SLC38A4: variants seen among roughly 807,000 people sequenced by gnomAD.
The protein encoded by SLC38A4 is sodium-coupled neutral amino acid transporter 4.
SLC38A4 carries 20 observed loss-of-function variants against 63.1 expected under a neutral mutation model. The ratio of observed to expected loss-of-function variants is 0.32; its 90% CI spans 0.22 to 0.46. The LOEUF (loss-of-function observed/expected upper bound fraction) is 0.46, where lower values mean the gene tolerates loss of function less well. SLC38A4 is among the 20% of genes least tolerant of loss of function. The pLI is 1.00. For missense variants in SLC38A4, 526 were observed against 663.6 expected (o/e 0.79, Z 2.28); for synonymous variants, 230 against 225.5 (o/e 1.02, Z -0.18).
intron 1 of SLC38A4, among the ~76,000 whole-genome samples, chr12:46,806,710 G>A (rs1184838309): frequency 6.6e-6 from 1 of 151,934 alleles, no homozygotes; most frequent in Non-Finnish European, 1.5e-5. Context: ...GAAAGAGAAC[G>A]TATGGTGATA....
chr12:46,768,335 G>A lies in SLC38A4; in HGVS notation c.1517C>T (p.Thr506Ile). Reference sequence around the variant, plus strand: ...CCCGACCTTTTGGGGTGACCTAAAAGTTTCTTTCTTGACAAGTTTAAGATA... The same window carrying A: ...CCCGACCTTTTGGGGTGACCTAAAAATTTCTTTCTTGACAAGTTTAAGATA... ...VFYLKLVKKE[T>I]FRSPQKVGAL... is the part of the protein sequence containing the mutation. Residue 506 changes from threonine to isoleucine, a missense_variant, in exon 16 of 17, where the codon ACT becomes ATT. By Grantham distance (89) the Thr-to-Ile change is moderately conservative (BLOSUM62 -1). Coordinates refer to ENST00000266579, the MANE Select transcript of SLC38A4 (RefSeq NM_018018.5). 6.2e-7 allele frequency: 1 copy of A among 1,611,110 alleles called. No homozygotes were observed. The highest frequency in any genetic ancestry group is 1.1e-5 in the South Asian group (1 of 90,886).
intron 14 of SLC38A4, among the ~76,000 whole-genome samples, chr12:46,773,825 A>G (rs1178302848): frequency 6.6e-6 from 1 of 152,110 alleles, no homozygotes; most frequent in Non-Finnish European, 1.5e-5. Context: ...GCAATACAGA[A>G]GCACATCACA....
intron 13 of SLC38A4, among the ~76,000 whole-genome samples, chr12:46,776,490 A>C (rs968541096): frequency 1.3e-4 from 20 of 152,040 alleles, no homozygotes; most frequent in Admixed American, 1.3e-4. Flanking sequence ...AAGAGGAGGC[A>C]AATTCAAACT....
intron 2 of SLC38A4, among the ~76,000 whole-genome samples, chr12:46,802,913 C>G (rs1939161931): frequency 6.6e-6 from 1 of 152,000 alleles, no homozygotes; most frequent in Non-Finnish European, 1.5e-5. Flanking sequence ...TTGAGGAGAA[C>G]ACCTCTACTT....
chr12:46,830,642 C>T (rs1165044170), upstream of SLC38A4, among the ~76,000 whole-genome samples: 1 of 152,160 alleles, frequency 6.6e-6, no homozygotes, highest in Non-Finnish European at 1.5e-5. Flanking sequence ...TGCCTGCCCA[C>T]CCGCCCCCGT....
At chr12:46,777,566 G>T (rs2120768024) in intron 12 of SLC38A4, among the ~76,000 whole-genome samples, 1 of 152,096 alleles carries the variant, frequency 6.6e-6, no homozygotes, top group Non-Finnish European at 1.5e-5. Flanking sequence ...AGGTAAATCA[G>T]AATTTATGGG....
At chr12:46,778,433 C>T (rs1297149834) in intron 11 of SLC38A4, 65 bp from the exon 12 acceptor site, 1 of 1,608,670 alleles carries the variant, frequency 6.2e-7, no homozygotes, top group African/African-American at 1.3e-5. Flanking sequence ...CAGGCCATCT[C>T]AGTTTATTGA....
upstream of SLC38A4, among the ~76,000 whole-genome samples, chr12:46,827,666 C>T (rs117882916): frequency 4.2e-3 from 635 of 152,194 alleles, 3 homozygotes; most frequent in Non-Finnish European, 8.1e-3. Flanking sequence ...CCACCTCTCC[C>T]CTCATAAAAG....
At chr12:46,832,352 A>G (rs184343049) in exon 1 of SLC38A4, 1 of 152,274 alleles carries the variant, frequency 6.6e-6, no homozygotes, top group Admixed American at 6.5e-5. Context: ...CCCTTTCCAG[A>G]CTGGGATTCA....
chr12:46,787,788 C>G, intron 5 of SLC38A4, 128 bp downstream of exon 5: 1 of 624,154 alleles, frequency 1.6e-6, no homozygotes, highest in East Asian at 2.9e-5. Context: ...GGTTGGGTGA[C>G]CAAGTGCCAT....
At chr12:46,817,352 C>T (rs1314056303) in intron 1 of SLC38A4, among the ~76,000 whole-genome samples, 1 of 149,628 alleles carries the variant, frequency 6.7e-6, no homozygotes, top group African/African-American at 2.5e-5. Flanking sequence ...GAGGAATTGT[C>T]TCCTGCTTGC....
chr12:46,831,571 G>T (rs956601022), intron 1 of SLC38A4, among the ~76,000 whole-genome samples: 1 of 152,144 alleles, frequency 6.6e-6, no homozygotes, highest in Non-Finnish European at 1.5e-5. Context: ...TTTCAGACTC[G>T]CCCACCGCCC....
At position 46,766,550 on chromosome 12, in the gene SLC38A4, T is replaced by C; in HGVS notation, c.*151A>G. On this transcript the variant is annotated 3_prime_UTR_variant, in exon 17 of 17. Coordinates refer to ENST00000266579, the MANE Select transcript of SLC38A4 (RefSeq NM_018018.5). Reference sequence around the variant, plus strand: ...TTGACAAAAACAGTGATTTTCCTCTTCTGCAGGTGCCTGGTGATATTACTG... The same window carrying C: ...TTGACAAAAACAGTGATTTTCCTCTCCTGCAGGTGCCTGGTGATATTACTG... 1 of 704,734 alleles carries C rather than the reference T, an allele frequency of 1.4e-6. No individual in the cohort carries two copies. Among genetic ancestry groups the C allele is most frequent in the Non-Finnish European group, 2.6e-6 (1 of 387,532 alleles). 43.7% of individuals were successfully genotyped at this position (704,734 alleles called of 1,614,324 possible). A position where few individuals can be genotyped will look rare whatever the true frequency, so the allele number is the denominator to read the frequency against.
intron 13 of SLC38A4, among the ~76,000 whole-genome samples, chr12:46,776,335 C>CT (rs900944861): frequency 1.3e-5 from 2 of 151,784 alleles, no homozygotes; most frequent in Admixed American, 6.6e-5. Flanking sequence ...GCCATAGTCA[C>CT]TTTTTTTTGG....
chr12:46,771,796 C>T (rs1479752226), intron 14 of SLC38A4, among the ~76,000 whole-genome samples: 3 of 152,044 alleles, frequency 2.0e-5, no homozygotes, highest in African/African-American at 7.2e-5. Context: ...GTTCTGTTTA[C>T]CTTTGCTAGG....
intron 2 of SLC38A4, among the ~76,000 whole-genome samples, chr12:46,802,808 A>T (rs574215582): frequency 6.6e-6 from 1 of 152,016 alleles, no homozygotes; most frequent in Non-Finnish European, 1.5e-5. Context: ...TACCCTGGGC[A>T]TTTAACTAAA....
intron 13 of SLC38A4, among the ~76,000 whole-genome samples, chr12:46,775,850 A>T (rs377629697): frequency 6.6e-6 from 1 of 152,066 alleles, no homozygotes; most frequent in African/African-American, 2.4e-5. Flanking sequence ...ACAAATAACA[A>T]GAAAATATCT....
intron 7 of SLC38A4, among the ~76,000 whole-genome samples, chr12:46,783,227 T>TGATAGATAGATAGATA (rs66798597): frequency 1.3e-4 from 18 of 143,818 alleles, no homozygotes; most frequent in East Asian, 4.1e-4. Context: ...AATTGATAGA[T>TGATAGATAGATAGATA]GATAGATAGA....
chr12:46,816,260 T>C (rs1441053601), intron 1 of SLC38A4, among the ~76,000 whole-genome samples: 1 of 151,912 alleles, frequency 6.6e-6, no homozygotes, highest in Non-Finnish European at 1.5e-5. Context: ...AAGTTACTTA[T>C]TATTATTACT....
Sources: gnomAD v4.1 joint callset for allele counts (sites outside exome capture counted in the v4.1 genomes callset) on GRCh38, gnomAD v4.1.1 for gene constraint, MANE v1.5 for transcripts, NCBI Gene and HGNC (gene_info 2026-07-23, HGNC 2026-07-21) for gene names.